SH3PXD2B: variants seen among roughly 807,000 people sequenced by gnomAD.
SH3PXD2B encodes the protein SH3 and PX domain-containing protein 2B.
A neutral mutation model predicts 73.1 loss-of-function variants in SH3PXD2B; 37 were observed. The observed-to-expected ratio is 0.51, with a 90% CI of 0.39 to 0.67. The LOEUF is 0.67. Ranked by LOEUF, SH3PXD2B falls within the 30% of genes least tolerant of loss-of-function variation. The pLI, the probability that SH3PXD2B is intolerant of heterozygous loss-of-function variation, is 0.00. For synonymous variants in SH3PXD2B, 457 were observed against 480.5 expected (o/e 0.95, Z 0.64); for missense variants, 1,053 against 1,197.8 (o/e 0.88, Z 1.78).
chr5:172,344,923 G>A (rs985358358), intron 12 of SH3PXD2B, among the ~76,000 whole-genome samples: 5 of 151,574 alleles, frequency 3.3e-5, no homozygotes, highest in Non-Finnish European at 7.4e-5. Flanking sequence ...GGAAGGAGGA[G>A]GATGGAAGAA....
chr5:172,446,884 C>A (rs1180773540), intron 1 of SH3PXD2B, among the ~76,000 whole-genome samples: 1 of 152,220 alleles, frequency 6.6e-6, no homozygotes, highest in Non-Finnish European at 1.5e-5. Flanking sequence ...CCCAGACCTT[C>A]CCTCGTGGTA....
At chr5:172,343,750 A>G (rs987585822) in intron 12 of SH3PXD2B, among the ~76,000 whole-genome samples, 1 of 152,040 alleles carries the variant, frequency 6.6e-6, no homozygotes, top group East Asian at 1.9e-4. Context: ...GGTTGCAGCG[A>G]GCCAAGATCA....
At chr5:172,389,811 A>T (rs1419767737) in intron 4 of SH3PXD2B, among the ~76,000 whole-genome samples, 1 of 152,146 alleles carries the variant, frequency 6.6e-6, no homozygotes, top group Non-Finnish European at 1.5e-5. Flanking sequence ...GCCAATCAGG[A>T]GAGGTTTTCT....
intron 2 of SH3PXD2B, among the ~76,000 whole-genome samples, chr5:172,420,666 C>T (rs1330407909): frequency 6.6e-6 from 1 of 152,212 alleles, no homozygotes; most frequent in Admixed American, 6.5e-5. Flanking sequence ...CCCTTATTGA[C>T]TTCTTGGGTG....
At position 172,339,661 on chromosome 5, in the gene SH3PXD2B, AC is replaced by A; in HGVS notation, c.1443del (p.Leu482CysfsTer14). 1 of 1,614,084 alleles carries A rather than the reference AC, an allele frequency of 6.2e-7. No individual in the cohort carries two copies. The highest frequency in any genetic ancestry group is 8.5e-7 in the Non-Finnish European group (1 of 1,180,014). ...CCCTTCCAGTCTTTAGACCATGGCA[AC>A]CCCGAGTCCATGACACCATGCGGTG... ...PDAPHGVMDS[G>X]LPWSKDWKGS... is the part of the protein sequence containing the mutation. On this transcript the variant is annotated frameshift_variant, in exon 13 of 13. Coordinates refer to ENST00000311601, the MANE Select transcript of SH3PXD2B (RefSeq NM_001017995.3). LOFTEE classifies it low-confidence loss of function (END_TRUNC). The surrounding 1 kb of genome is among the most constrained non-coding windows in gnomAD (Gnocchi z 6.1).
At chr5:172,371,092 T>C (rs1445735373) in intron 6 of SH3PXD2B, among the ~76,000 whole-genome samples, 1 of 152,138 alleles carries the variant, frequency 6.6e-6, no homozygotes, top group Non-Finnish European at 1.5e-5. Flanking sequence ...TCTCAAGAGG[T>C]ACAGTGCCTT....
Position 172,337,485 on chromosome 5 carries a change from G to T in SH3PXD2B, c.*884C>A. ...TGCAAAGCGCCAAGTACAGTGTTTG[G>T]CACCCACGAGGCACTCAGCAAAGGG... On this transcript the variant is annotated 3_prime_UTR_variant, in exon 13 of 13. Coordinates refer to ENST00000311601, the MANE Select transcript of SH3PXD2B (RefSeq NM_001017995.3). 3.0e-6 allele frequency: 3 copies of T among 985,186 alleles called. No homozygotes were observed. Among genetic ancestry groups the T allele is most frequent in the Non-Finnish European group, 3.6e-6 (3 of 829,696 alleles). The allele number at this position is 985,186 out of a possible 1,614,324, so 61.0% of individuals were successfully genotyped here.
chr5:172,406,904 T>C (rs1376002547), intron 2 of SH3PXD2B, among the ~76,000 whole-genome samples: 2 of 152,002 alleles, frequency 1.3e-5, no homozygotes, highest in African/African-American at 4.8e-5. Context: ...AGAGAACTGA[T>C]CATTAAAAGG....
intron 9 of SH3PXD2B, among the ~76,000 whole-genome samples, chr5:172,352,781 G>A (rs1164994818): frequency 6.6e-6 from 1 of 152,036 alleles, no homozygotes; most frequent in South Asian, 2.1e-4. Context: ...TTCACCTCCC[G>A]CCATGATTCT....
chr5:172,439,727 CACACAG>C (rs1759508914), intron 1 of SH3PXD2B, among the ~76,000 whole-genome samples: 1 of 150,722 alleles, frequency 6.6e-6, no homozygotes, highest in African/African-American at 2.5e-5. Context: ...CACACACACA[CACACAG>C]CTGCCCACCC....
At chr5:172,446,692 G>A (rs528713192) in intron 1 of SH3PXD2B, among the ~76,000 whole-genome samples, 1 of 152,316 alleles carries the variant, frequency 6.6e-6, no homozygotes, top group African/African-American at 2.4e-5. Context: ...CAGGGAAGTG[G>A]GCTGTAGGGC....
intron 10 of SH3PXD2B, among the ~76,000 whole-genome samples, chr5:172,348,654 C>CTATCTATCCTAT (rs1440672001): frequency 1.7e-5 from 1 of 60,396 alleles, no homozygotes; most frequent in African/African-American, 6.3e-5. Flanking sequence ...ATCTATCTAT[C>CTATCTATCCTAT]CTATCTATCT....
chr5:172,360,850 A>T (rs1757386489), intron 7 of SH3PXD2B, among the ~76,000 whole-genome samples: 1 of 152,166 alleles, frequency 6.6e-6, no homozygotes, highest in Admixed American at 6.6e-5. Flanking sequence ...CTAAATAAGT[A>T]AAAAAAGATA....
intron 4 of SH3PXD2B, among the ~76,000 whole-genome samples, chr5:172,385,469 A>T (rs556877173): frequency 4.9e-4 from 75 of 152,250 alleles, no homozygotes; most frequent in African/African-American, 1.7e-3. Flanking sequence ...CTCTACCTTA[A>T]ATCCACAAAA....
intron 9 of SH3PXD2B, among the ~76,000 whole-genome samples, chr5:172,352,104 C>T (rs577490716): frequency 1.8e-4 from 27 of 152,284 alleles, no homozygotes; most frequent in Admixed American, 6.5e-4. Flanking sequence ...TCGGGAGAGA[C>T]CTTGAGTCTA....
chr5:172,369,337 T>C (rs1299577515), intron 6 of SH3PXD2B, among the ~76,000 whole-genome samples: 2 of 152,152 alleles, frequency 1.3e-5, no homozygotes, highest in Admixed American at 6.6e-5. Context: ...GTAGTAGTGA[T>C]AGAGACTGTA....
intron 2 of SH3PXD2B, among the ~76,000 whole-genome samples, chr5:172,416,403 C>T (rs1306947299): frequency 1.3e-5 from 2 of 151,538 alleles, no homozygotes; most frequent in Middle Eastern, 3.4e-3. Context: ...TCTTGGCTTA[C>T]TGTAACCTCT....
chr5:172,388,695 G>A (rs1348517784), intron 4 of SH3PXD2B, among the ~76,000 whole-genome samples: 3 of 152,372 alleles, frequency 2.0e-5, no homozygotes, highest in East Asian at 3.9e-4. Flanking sequence ...CTGGAGAGAA[G>A]TCAGGTGGGC....
Position 172,333,963 on chromosome 5 carries a change from C to A in SH3PXD2B, c.*4406G>T. Reference sequence around the variant, plus strand: ...GGACACCATCGTTGCATTAGAATTGCTTATTGCTGATGTAAGCCTGGTGGG... The same window carrying A: ...GGACACCATCGTTGCATTAGAATTGATTATTGCTGATGTAAGCCTGGTGGG... On this transcript the variant is annotated 3_prime_UTR_variant, in exon 13 of 13. Coordinates refer to ENST00000311601, the MANE Select transcript of SH3PXD2B (RefSeq NM_001017995.3). 1 of 1,223,610 alleles carries A rather than the reference C, an allele frequency of 8.2e-7. No homozygotes were observed. The allele number at this position is 1,223,610 out of a possible 1,614,324, so 75.8% of individuals were successfully genotyped here. A position where few individuals can be genotyped will look rare whatever the true frequency, so the allele number is the denominator to read the frequency against.
Sources: allele counts gnomAD v4.1 joint callset (sites outside exome capture counted in the v4.1 genomes callset), GRCh38; gene constraint gnomAD v4.1.1; non-coding constraint Gnocchi (gnomAD v3.1); transcripts MANE v1.5; gene names NCBI Gene and HGNC (gene_info 2026-07-23, HGNC 2026-07-21).